The following MAD1L1 variants were observed in gnomAD, a reference collection of about 807,000 sequenced individuals.
MAD1L1 encodes the protein mitotic arrest deficient 1 like 1.
MAD1L1 carries 95 observed loss-of-function variants against 96.9 expected under a neutral mutation model. That is an observed-to-expected ratio of 0.98 (90% confidence interval 0.83 to 1.16). The LOEUF (loss-of-function observed/expected upper bound fraction) is 1.16. MAD1L1 is among the 50% of genes most tolerant of loss of function. MAD1L1 has a pLI of 0.00. For synonymous variants in MAD1L1, 473 were observed against 396.6 expected, an observed-to-expected ratio of 1.19 and a Z score of -2.29; for missense variants, 1,007 against 954.4, an observed-to-expected ratio of 1.06 and a Z score of -0.73.
rs990794427 is a variant in MAD1L1, at chr7:2,119,822, T to C, written c.1073+29330A>G. On this transcript the variant is annotated intron_variant, in intron 11 of 18. Transcript: ENST00000265854. This position sits in a 1 kb window ranked among gnomAD's most constrained non-coding sequence, Gnocchi z 4.6. ...TCCCACGACAACTGTTCCAGACCCC[T>C]AGGCTCTTTCCTGCTGGCTCCTCGC... 1.2e-4 allele frequency among the ~76,000 whole-genome samples: 19 copies of C among 152,152 alleles called. No individual in the cohort carries two copies. Among genetic ancestry groups the C allele is most frequent in the African/African-American group, 4.1e-4 (17 of 41,428 alleles).
At chr7:1,853,521 G>A (rs113688624) in intron 18 of MAD1L1, among the ~76,000 whole-genome samples, 2,146 of 152,332 alleles carry the variant, frequency 0.014, 22 homozygotes, top group Non-Finnish European at 0.024. Context: ...CCTGGGCACA[G>A]AGGACCTTAT....
At chr7:2,054,289 C>T (rs550806725) in intron 12 of MAD1L1, among the ~76,000 whole-genome samples, 10 of 152,354 alleles carry the variant, frequency 6.6e-5, no homozygotes, top group Admixed American at 6.5e-4. Flanking sequence ...CTCCACGCAC[C>T]TGAGGCAGAG....
chr7:1,982,748 C>T (rs1562582429), intron 14 of MAD1L1, among the ~76,000 whole-genome samples: 1 of 152,174 alleles, frequency 6.6e-6, no homozygotes, highest in Non-Finnish European at 1.5e-5. Flanking sequence ...TACGAAATCA[C>T]AGTTGTGATA....
chr7:1,977,379 G>A (rs886172134), intron 15 of MAD1L1, among the ~76,000 whole-genome samples: 8 of 152,228 alleles, frequency 5.3e-5, no homozygotes, highest in South Asian at 2.1e-4. Context: ...CTCACTGCCC[G>A]GGGCCGGCAA....
At chr7:2,059,958 C>T (rs1784565227) in intron 12 of MAD1L1, among the ~76,000 whole-genome samples, 1 of 152,140 alleles carries the variant, frequency 6.6e-6, no homozygotes, top group South Asian at 2.1e-4. Context: ...CCCTAAAATC[C>T]ATCAAACTTG....
chr7:2,171,391 C>T (rs1193115830), intron 10 of MAD1L1, among the ~76,000 whole-genome samples: 1 of 152,236 alleles, frequency 6.6e-6, no homozygotes, highest in Non-Finnish European at 1.5e-5. Flanking sequence ...CACACATGCC[C>T]CACAAAGATT....
intron 18 of MAD1L1, among the ~76,000 whole-genome samples, chr7:1,829,113 G>C (rs1307942536): frequency 2.6e-5 from 4 of 152,240 alleles, no homozygotes; most frequent in Admixed American, 2.6e-4. Context: ...GTGGGCTGTG[G>C]GGCGACGTCA....
rs577718992 is a variant in MAD1L1 at position 2,215,954 on chromosome 7, C to A, written c.855G>T (p.Gly285=). 135 of 1,614,236 alleles carry A rather than the reference C, an allele frequency of 8.4e-5. No homozygotes were observed. The South Asian group carries it at 1.3e-3, about 15-fold the overall frequency. ...TNGLLQEELE[G]LQRKLGRQEK... is the part of the protein sequence containing the mutation. The stretch of plus-strand genomic sequence containing the variant: ...CCTGGCGCCCCAGCTTCCTCTGCAG[C>A]CCTTCCAGCTCTTCCTGGAGCAGCC... The change falls in exon 9 of 19, where the codon GGG becomes GGT. Residue 285 remains glycine, a synonymous_variant. Coordinates refer to ENST00000265854, the MANE Select transcript of MAD1L1 (RefSeq NM_001013836.2).
chr7:2,187,127 C>T (rs1392945710), intron 10 of MAD1L1, among the ~76,000 whole-genome samples: 1 of 152,024 alleles, frequency 6.6e-6, no homozygotes, highest in Non-Finnish European at 1.5e-5. Context: ...CTAAGTGGAT[C>T]ACTTGAGGTC....
intron 10 of MAD1L1, among the ~76,000 whole-genome samples, chr7:2,188,861 A>T (rs1260652700): frequency 1.3e-5 from 2 of 152,232 alleles, no homozygotes; most frequent in African/African-American, 4.8e-5. Flanking sequence ...TAAATTTTAA[A>T]TTTGTCAAAG....
At chr7:1,832,951 C>T (rs1391203019) in intron 18 of MAD1L1, among the ~76,000 whole-genome samples, 6 of 152,036 alleles carry the variant, frequency 3.9e-5, no homozygotes, top group Non-Finnish European at 5.9e-5. Context: ...TTTTAAGAAA[C>T]TGTCACAGCC....
At chr7:1,910,543 T>C (rs562110810) in intron 17 of MAD1L1, among the ~76,000 whole-genome samples, 15 of 152,276 alleles carry the variant, frequency 9.9e-5, no homozygotes, top group Non-Finnish European at 2.1e-4. Flanking sequence ...TGAGCAGCTG[T>C]CTCCATTGGT....
chr7:2,132,322 T>C (rs557896999), intron 11 of MAD1L1, among the ~76,000 whole-genome samples: 2 of 152,326 alleles, frequency 1.3e-5, no homozygotes, highest in African/African-American at 4.8e-5. Flanking sequence ...GTGGGCTCAC[T>C]TGTCATGTCT....
Position 2,146,603 on chromosome 7 carries a change from C to A in MAD1L1, c.1073+2549G>T, listed in dbSNP as rs888592881. ...ATGCCCAGCAGCTGCTCTCATGACC[C>A]GTGACCTCAGCTGGACCAGGGCTCT... On this transcript the variant is annotated intron_variant, in intron 11 of 18. Coordinates refer to ENST00000265854, the MANE Select transcript of MAD1L1 (RefSeq NM_001013836.2). This position sits in a 1 kb window ranked among gnomAD's most constrained non-coding sequence, Gnocchi z 6.2. Among the ~76,000 whole-genome samples, 3 of 152,222 alleles carry A rather than the reference C, an allele frequency of 2.0e-5. No homozygotes were observed. Among genetic ancestry groups the A allele is most frequent in the African/African-American group, 7.2e-5 (3 of 41,460 alleles).
At chr7:2,032,578 G>A (rs899828106) in intron 12 of MAD1L1, among the ~76,000 whole-genome samples, 16 of 152,214 alleles carry the variant, frequency 1.1e-4, no homozygotes, top group Middle Eastern at 3.2e-3. Flanking sequence ...CCTTGCCTTC[G>A]TCTCCTTCAG....
At chr7:2,003,163 G>A (rs1334610365) in intron 13 of MAD1L1, among the ~76,000 whole-genome samples, 2 of 94,378 alleles carry the variant, frequency 2.1e-5, no homozygotes, top group African/African-American at 7.8e-5. Context: ...TGAGGGTGAG[G>A]GAGAAATCGA....
rs1249031121 is a variant in MAD1L1 at position 1,937,644 on chromosome 7, G to GTCA, written c.1597-750_1597-748dup. ...GCCGCCCCCAGCAGGGAGGTGCAGG[G>GTCA]TCACTGCGCACCCGAGACCCCGACC... On this transcript the variant is annotated intron_variant, in intron 16 of 18. Coordinates refer to ENST00000265854, the MANE Select transcript of MAD1L1 (RefSeq NM_001013836.2). Among the ~76,000 whole-genome samples, 5 of 150,994 alleles carry GTCA rather than the reference G, an allele frequency of 3.3e-5. No individual in the cohort carries two copies. The Admixed American group carries it at 3.3e-4, about 10-fold the overall frequency.
At chr7:2,008,501 T>C (rs4719391) in intron 13 of MAD1L1, among the ~76,000 whole-genome samples, 56,572 of 152,150 alleles carry the variant, frequency 0.37, 10,946 homozygotes, top group East Asian at 0.6. Context: ...CAAGCTCAGG[T>C]TGGCTCCGCA....
intron 18 of MAD1L1, among the ~76,000 whole-genome samples, chr7:1,829,937 A>G (rs1294107912): frequency 6.6e-6 from 1 of 152,240 alleles, no homozygotes; most frequent in Middle Eastern, 3.2e-3. Context: ...TGTAAAGTAC[A>G]GAAAGACAAA....
Sources: gnomAD v4.1 joint callset for allele counts (sites outside exome capture counted in the v4.1 genomes callset) on GRCh38, gnomAD v4.1.1 for gene constraint, Gnocchi (gnomAD v3.1) non-coding constraint, MANE v1.5 for transcripts, NCBI Gene and HGNC (gene_info 2026-07-23, HGNC 2026-07-21) for gene names.